Variants in TPCN2 observed in about 807,000 individuals in gnomAD.
TPCN2 encodes the protein two pore channel protein 2.
In TPCN2, 92 loss-of-function variants were observed where a neutral mutation model predicts 111.4. That is an observed-to-expected ratio of 0.83 (90% CI 0.70 to 0.98). The LOEUF is 0.98. Ranked by LOEUF, TPCN2 falls within the 50% of genes least tolerant of loss-of-function variation. TPCN2 has a pLI of 0.00. For missense variants in TPCN2, 995 were observed against 980.1 expected, an observed-to-expected ratio of 1.02 and a Z score of -0.20; for synonymous variants, 405 against 414.5, an observed-to-expected ratio of 0.98 and a Z score of 0.28.
chr11:69,086,706 G>A (rs1162126522), intron 23 of TPCN2, 102 bp downstream of exon 23: 1 of 1,142,158 alleles, frequency 8.8e-7, no homozygotes. Flanking sequence ...GAACTTTGAT[G>A]GGAGAGTCGT....
At position 69,066,288 on chromosome 11, in the gene TPCN2, G is replaced by A. The variant is rs1309971598; in HGVS notation, c.727-1215G>A. 5.9e-5 allele frequency among the ~76,000 whole-genome samples: 9 copies of A among 152,156 alleles called. No homozygotes were observed. The East Asian group carries it at 1.2e-3, about 20-fold the overall frequency. ...GAGGCCAGCCTGCCCTCCAGGCCTC[G>A]GAAGGCCTTGCTCTGCTCCTCCACT... is the stretch of plus-strand genomic sequence containing the variant. On this transcript the variant is annotated intron_variant, in intron 7 of 24. Transcript: ENST00000294309.
chr11:69,087,794 C>G, intron 24 of TPCN2, 81 bp from the exon 25 acceptor site: 1 of 1,160,062 alleles, frequency 8.6e-7, no homozygotes, highest in Non-Finnish European at 1.3e-6. Context: ...TGTTGCTAAG[C>G]TCTGCTCCCT....
At chr11:69,060,192 C>T (rs995315059) in intron 5 of TPCN2, among the ~76,000 whole-genome samples, 1 of 152,242 alleles carries the variant, frequency 6.6e-6, no homozygotes, top group Non-Finnish European at 1.5e-5. Context: ...GGAACATCCC[C>T]TTTCTCAGTC....
chr11:69,085,715 A>T lies in TPCN2; in HGVS notation c.1883A>T (p.Gln628Leu). The T allele has an allele frequency of 6.2e-7, 1 of 1,614,116 alleles. No individual in the cohort carries two copies. The highest frequency in any genetic ancestry group is 8.5e-7 in the Non-Finnish European group (1 of 1,180,016). Residue 628 changes from glutamine to leucine, a missense_variant, in exon 21 of 25, where the codon CAG (glutamine) becomes CTG (leucine). By Grantham distance (113) the Gln-to-Leu change is moderately radical (BLOSUM62 -2). Coordinates refer to ENST00000294309, the MANE Select transcript of TPCN2 (RefSeq NM_139075.4). ...TCGGCGCCCTGTGGGAGCTTCGAGC[A>T]GCTGGAGTACTGGGCCAACAACTTC... ...NGSAPCGSFE[Q>L]LEYWANNFDD... is the part of the protein sequence containing the mutation.
At position 69,078,762 on chromosome 11, in the gene TPCN2, T is replaced by C. The variant is rs1449808599; in HGVS notation, c.1379T>C (p.Leu460Pro). 6.2e-7 allele frequency: 1 copy of C among 1,613,940 alleles called. No homozygotes were observed. Among genetic ancestry groups the C allele is most frequent in the Non-Finnish European group, 8.5e-7 (1 of 1,180,048 alleles). The change falls in exon 15 of 25, where the codon CTG becomes CCG. Residue 460 changes from leucine (L) to proline (P), a missense_variant. Leu to Pro is a moderately conservative substitution (Grantham distance 98). Transcript: ENST00000294309. ...CVFLVLDADV[L>P]PAERDDFILG... ...TTCCTGGTGCTGGATGCAGATGTGCTGCCTGCTGAGCGTGATGACTTCATC... is the reference window on the plus strand; with the variant it reads ...TTCCTGGTGCTGGATGCAGATGTGCCGCCTGCTGAGCGTGATGACTTCATC...
At chr11:69,067,655 G>A (rs761032822) in intron 8 of TPCN2, 50 bp downstream of exon 8, 1 of 1,576,268 alleles carries the variant, frequency 6.3e-7, no homozygotes, top group African/African-American at 1.3e-5. Flanking sequence ...GCCCAGCACT[G>A]GGGGGCCGGT....
intron 22 of TPCN2, 124 bp from the exon 23 acceptor site, chr11:69,086,399 C>G: frequency 1.3e-6 from 1 of 797,316 alleles, no homozygotes; most frequent in Non-Finnish European, 2.2e-6. Flanking sequence ...GTAACGCGCT[C>G]TGCATCATGG....
At chr11:69,067,434 CG>C in intron 7 of TPCN2, 68 bp from the exon 8 acceptor site, 1 of 1,438,646 alleles carries the variant, frequency 7.0e-7, no homozygotes. Flanking sequence ...CGGTTGGGTC[CG>C]GGGCCTGGAG....
intron 8 of TPCN2, 118 bp downstream of exon 8, chr11:69,067,723 T>C: frequency 1.3e-6 from 1 of 756,914 alleles, no homozygotes; most frequent in Admixed American, 2.7e-5. Flanking sequence ...TTTCGATAAG[T>C]GGAGAAGAAA....
chr11:69,085,249 T>A lies in TPCN2; in HGVS notation c.1801T>A (p.Phe601Ile). 8 of 1,614,040 alleles carry A rather than the reference T, an allele frequency of 5.0e-6. No individual in the cohort carries two copies. Among genetic ancestry groups the A allele is most frequent in the Non-Finnish European group, 5.9e-6 (7 of 1,179,970 alleles). Residue 601 changes from phenylalanine to isoleucine, a missense_variant, in exon 20 of 25, where the codon TTT becomes ATT. By Grantham distance (21) the Phe-to-Ile change is conservative. Transcript: ENST00000294309. ...YVFAIIGINL[F>I]RGVIVALPGN... is the part of the protein sequence containing the mutation. ...ATTTGCCATCATTGGGATCAACTTG[T>A]TTAGAGGCGTCATTGTGGCTCTTCC...
At chr11:69,062,767 A>C in intron 5 of TPCN2, 117 bp from the exon 6 acceptor site, 1 of 911,954 alleles carries the variant, frequency 1.1e-6, no homozygotes, top group Non-Finnish European at 1.7e-6. Flanking sequence ...GGGCTCAGTG[A>C]CTCTGGAGTG....
chr11:69,053,346 G>A (rs1861319738), intron 1 of TPCN2, among the ~76,000 whole-genome samples: 1 of 152,226 alleles, frequency 6.6e-6, no homozygotes. Context: ...GGGCTTGCCT[G>A]GGCCCATGGA....
intron 1 of TPCN2, among the ~76,000 whole-genome samples, chr11:69,050,490 G>T (rs140141566): frequency 9.2e-5 from 14 of 152,268 alleles, no homozygotes; most frequent in Non-Finnish European, 1.8e-4. Flanking sequence ...CGATTCTCCC[G>T]CCTCAGCCTC....
In TPCN2 at chr11:69,086,605, G is replaced by T; in HGVS notation, c.2085+1G>T. Reference sequence around the variant, plus strand: ...CCTGTTTCTGGCCCTGATTCTGGAGGTATCAGAGATCCCCACCCAGGCTGT... The same window carrying T: ...CCTGTTTCTGGCCCTGATTCTGGAGTTATCAGAGATCCCCACCCAGGCTGT... On this transcript the variant is annotated splice_donor_variant, in intron 23 of 24. Transcript: ENST00000294309. LOFTEE classifies it high-confidence loss of function. 1 of 1,613,690 alleles carries T rather than the reference G, an allele frequency of 6.2e-7. No individual in the cohort carries two copies. The highest frequency in any genetic ancestry group is 1.1e-5 in the South Asian group (1 of 91,054).
At chr11:69,084,348 A>G (rs763239104) in intron 19 of TPCN2, among the ~76,000 whole-genome samples, 33 of 152,316 alleles carry the variant, frequency 2.2e-4, no homozygotes, top group South Asian at 8.3e-4. Context: ...CAGAAATTTA[A>G]GAGGCGCAGG....
chr11:69,057,567 CTA>C lies in TPCN2; in HGVS notation c.430-9_430-8del, dbSNP rs764882085. The C allele has an allele frequency of 6.2e-7, 1 of 1,613,142 alleles. No individual in the cohort carries two copies. Among genetic ancestry groups the C allele is most frequent in the Non-Finnish European group, 8.5e-7 (1 of 1,179,078 alleles). On this transcript the variant is annotated splice_polypyrimidine_tract_variant and intron_variant, in intron 4 of 24. Coordinates refer to ENST00000294309, the MANE Select transcript of TPCN2 (RefSeq NM_139075.4). ...GGCTACTTGCTGCTCACCCGCCCGTCTATCTTGCAGGGTTACCTGTTCGGGTG... is the reference window on the plus strand; with the variant it reads ...GGCTACTTGCTGCTCACCCGCCCGTCTCTTGCAGGGTTACCTGTTCGGGTG...
chr11:69,072,907 C>A lies in TPCN2; in HGVS notation c.1144-8C>A. On this transcript the variant is annotated splice_polypyrimidine_tract_variant and splice_region_variant and intron_variant, in intron 12 of 24. Coordinates refer to ENST00000294309, the MANE Select transcript of TPCN2 (RefSeq NM_139075.4). Reference sequence around the variant, plus strand: ...CGCCCCTGCTGACCTGTGCTCCTTCCTGTGCAGAAGGTGCGTTCCTATGGC... The same window carrying A: ...CGCCCCTGCTGACCTGTGCTCCTTCATGTGCAGAAGGTGCGTTCCTATGGC... 1 of 1,606,292 alleles carries A rather than the reference C, an allele frequency of 6.2e-7. No individual in the cohort carries two copies. Among genetic ancestry groups the A allele is most frequent in the South Asian group, 1.1e-5 (1 of 90,898 alleles).
intron 7 of TPCN2, among the ~76,000 whole-genome samples, chr11:69,066,876 G>A (rs546493507): frequency 9.8e-5 from 15 of 152,308 alleles, no homozygotes; most frequent in African/African-American, 3.6e-4. Context: ...CTCAAGCAGA[G>A]TTGCTTTCCG....
At chr11:69,061,289 G>T (rs1312224733) in intron 5 of TPCN2, among the ~76,000 whole-genome samples, 1 of 152,166 alleles carries the variant, frequency 6.6e-6, no homozygotes, top group East Asian at 1.9e-4. Flanking sequence ...GCCGTGGCCT[G>T]TGAGGTCTGG....
Sources: gnomAD v4.1 joint callset for allele counts (sites outside exome capture counted in the v4.1 genomes callset) on GRCh38, gnomAD v4.1.1 for gene constraint, MANE v1.5 for transcripts, NCBI Gene and HGNC (gene_info 2026-07-23, HGNC 2026-07-21) for gene names.